The following ETV6 variants were observed in gnomAD, a reference collection of about 807,000 sequenced individuals.
ETV6 encodes the protein transcription factor ETV6.
Under a neutral mutation model 51.1 loss-of-function variants are expected in ETV6, and 16 were observed. That is an observed-to-expected ratio of 0.31 (90% CI 0.21 to 0.48). ETV6 has a LOEUF of 0.48. Among genes scored for constraint, ETV6 ranks in the 20% least tolerant of loss-of-function variants. ETV6 has a pLI of 0.99. For missense variants in ETV6, 458 were observed against 594.8 expected (o/e 0.77, Z 2.39); for synonymous variants, 240 against 224.1 (o/e 1.07, Z -0.64).
chr12:11,859,797 G>C (rs760174362), intron 4 of ETV6, among the ~76,000 whole-genome samples: 1 of 152,204 alleles, frequency 6.6e-6, no homozygotes, highest in Non-Finnish European at 1.5e-5. Context: ...AGCAGTAGTG[G>C]AGATGAGAAC....
At chr12:11,816,601 C>A (rs1349557026) in intron 2 of ETV6, among the ~76,000 whole-genome samples, 1 of 152,136 alleles carries the variant, frequency 6.6e-6, no homozygotes, top group African/African-American at 2.4e-5. Flanking sequence ...CTCTCTGATC[C>A]TTTTAGTTTT....
chr12:11,730,312 C>T (rs1170983685), intron 1 of ETV6, among the ~76,000 whole-genome samples: 1 of 152,188 alleles, frequency 6.6e-6, no homozygotes, highest in Admixed American at 6.5e-5. Context: ...GATAACTTTA[C>T]ATTTTAGAGG....
At chr12:11,701,323 T>G (rs77218892) in intron 1 of ETV6, among the ~76,000 whole-genome samples, 138 of 152,328 alleles carry the variant, frequency 9.1e-4, no homozygotes, top group Middle Eastern at 6.8e-3. Flanking sequence ...ATCAGGGGTC[T>G]TCTTCCTGTT....
intron 6 of ETV6, 28 bp downstream of exon 6, chr12:11,884,615 T>C (rs1947158628): frequency 1.9e-6 from 3 of 1,612,532 alleles, no homozygotes. Flanking sequence ...ATCTGCTCCA[T>C]AAACTAGTGC....
chr12:11,775,326 G>A (rs1336205173), intron 2 of ETV6, among the ~76,000 whole-genome samples: 2 of 152,244 alleles, frequency 1.3e-5, no homozygotes, highest in East Asian at 3.8e-4. Context: ...ATCCTAGAAA[G>A]TGGACTGTGG....
chr12:11,877,249 C>T (rs1947001782), intron 5 of ETV6, among the ~76,000 whole-genome samples: 1 of 152,032 alleles, frequency 6.6e-6, no homozygotes, highest in Admixed American at 6.6e-5. Context: ...GTCTCCACTT[C>T]CTCCCACAGT....
chr12:11,667,696 A>ATTTTTTTTTTTTTTTTTTTT, intron 1 of ETV6, among the ~76,000 whole-genome samples: 1 of 72,970 alleles, frequency 1.4e-5, no homozygotes, highest in Non-Finnish European at 2.6e-5. Flanking sequence ...TACCTGGCTA[A>ATTTTTTTTTTTTTTTTTTTT]TTTTTTTTTT....
intron 5 of ETV6, among the ~76,000 whole-genome samples, chr12:11,874,291 C>T (rs531596907): frequency 7.3e-5 from 11 of 151,390 alleles, no homozygotes; most frequent in South Asian, 4.2e-4. Flanking sequence ...GTGGGAGAAT[C>T]GCTTGAACCT....
chr12:11,871,197 C>T (rs1946875672), intron 5 of ETV6, among the ~76,000 whole-genome samples: 5 of 138,260 alleles, frequency 3.6e-5, no homozygotes, highest in Admixed American at 7.3e-5. Flanking sequence ...GGTACTGTCC[C>T]TTTTTTTTTT....
intron 2 of ETV6, among the ~76,000 whole-genome samples, chr12:11,776,039 G>A (rs1350618841): frequency 6.6e-6 from 1 of 152,180 alleles, no homozygotes; most frequent in African/African-American, 2.4e-5. Flanking sequence ...GTGCTTGATG[G>A]TGATTATTAC....
chr12:11,673,306 G>A lies in ETV6; in HGVS notation c.33+23146G>A, dbSNP rs79750473. Among the ~76,000 whole-genome samples the A allele has an allele frequency of 2.4e-3, 358 of 152,284 alleles. 1 individual carries two copies. Among genetic ancestry groups the A allele is most frequent in the Non-Finnish European group, 3.9e-3 (265 of 68,020 alleles). On this transcript the variant is annotated intron_variant, in intron 1 of 7. Transcript: ENST00000396373. ...TTACTCTGCTGGGAAAGAATTTGGA[G>A]ATGTCCATGAAGAAGAAAATCTGGA...
chr12:11,825,970 A>G (rs1362815113), intron 2 of ETV6, among the ~76,000 whole-genome samples: 1 of 151,502 alleles, frequency 6.6e-6, no homozygotes, highest in Non-Finnish European at 1.5e-5. Flanking sequence ...AGTAGCTGGG[A>G]CTTCAGGCAT....
intron 1 of ETV6, among the ~76,000 whole-genome samples, chr12:11,682,050 A>G (rs1365319640): frequency 6.6e-6 from 1 of 152,186 alleles, no homozygotes; most frequent in Admixed American, 6.5e-5. Flanking sequence ...GTGTCTTTAT[A>G]GTAGAATGAT....
At chr12:11,731,000 A>G (rs1865585155) in intron 1 of ETV6, among the ~76,000 whole-genome samples, 1 of 152,152 alleles carries the variant, frequency 6.6e-6, no homozygotes, top group African/African-American at 2.4e-5. Context: ...TTCTAGGCCA[A>G]GCCCCTCCAG....
chr12:11,758,095 C>G (rs562725075), intron 2 of ETV6, among the ~76,000 whole-genome samples: 1 of 152,258 alleles, frequency 6.6e-6, no homozygotes, highest in Non-Finnish European at 1.5e-5. Context: ...AGCAGGGTCT[C>G]ACTGCTTTTG....
intron 7 of ETV6, among the ~76,000 whole-genome samples, chr12:11,887,749 GAAAAAAAAAA>G (rs58685356): frequency 3.1e-5 from 3 of 97,396 alleles, no homozygotes; most frequent in South Asian, 6.4e-4. Flanking sequence ...TCCATCTCAA[GAAAAAAAAAA>G]AAAAAAGAAA....
At position 11,869,417 on chromosome 12, in the gene ETV6, T is replaced by C; in HGVS notation, c.464-7T>C. 1 of 1,597,568 alleles carries C rather than the reference T, an allele frequency of 6.3e-7. No individual in the cohort carries two copies. Among genetic ancestry groups the C allele is most frequent in the Non-Finnish European group, 8.5e-7 (1 of 1,170,786 alleles). ...GGTCTGTGATTGTCTTTCCCTCTGC[T>C]CCACAGATAACTGTGTCCAGAGGAC... On this transcript the variant is annotated splice_polypyrimidine_tract_variant and splice_region_variant and intron_variant, in intron 4 of 7. Transcript: ENST00000396373. The surrounding 1 kb of genome is among the most constrained non-coding windows in gnomAD (Gnocchi z 5.0).
chr12:11,727,316 A>G (rs530020108), intron 1 of ETV6, among the ~76,000 whole-genome samples: 2 of 152,386 alleles, frequency 1.3e-5, no homozygotes, highest in African/African-American at 4.8e-5. Context: ...GCGCAAGCCA[A>G]CCGCACACCT....
At chr12:11,671,578 A>G (rs1425177851) in intron 1 of ETV6, among the ~76,000 whole-genome samples, 1 of 152,246 alleles carries the variant, frequency 6.6e-6, no homozygotes, top group African/African-American at 2.4e-5. Flanking sequence ...AAATCATTAC[A>G]TGTACCCTGA....
Sources: gnomAD v4.1 joint callset for allele counts (sites outside exome capture counted in the v4.1 genomes callset) on GRCh38, gnomAD v4.1.1 for gene constraint, Gnocchi (gnomAD v3.1) non-coding constraint, MANE v1.5 for transcripts, NCBI Gene and HGNC (gene_info 2026-07-23, HGNC 2026-07-21) for gene names.